Variants in RBM25 observed in about 807,000 individuals in gnomAD.
RBM25 encodes the protein RNA binding motif protein 25, also known as RNA-binding protein 25.
Under a neutral mutation model 120.7 loss-of-function variants are expected in RBM25, and 19 were observed. The observed-to-expected ratio is 0.16, with a 90% CI of 0.11 to 0.23. RBM25 has a LOEUF of 0.23. Ranked by LOEUF, RBM25 falls within the 10% of genes least tolerant of loss-of-function variation. The pLI is 1.00. For missense variants in RBM25, 605 were observed against 1,041.5 expected (o/e 0.58, Z 5.77); for synonymous variants, 390 against 326.7 (o/e 1.19, Z -2.09).
intron 6 of RBM25, among the ~76,000 whole-genome samples, chr14:73,094,135 G>T (rs1465525476): frequency 6.6e-6 from 1 of 150,410 alleles, no homozygotes; most frequent in Non-Finnish European, 1.5e-5. Context: ...TTGTATTTTT[G>T]GTAGAGACGG....
chr14:73,109,643 A>T (rs1682676733), intron 14 of RBM25, 151 bp downstream of exon 14: 1 of 686,558 alleles, frequency 1.5e-6, no homozygotes, highest in Non-Finnish European at 2.2e-6. Flanking sequence ...AATACAAAAG[A>T]TTAGCCGGGT....
chr14:73,111,629 C>T lies in RBM25; in HGVS notation c.2119C>T (p.Pro707Ser). 1.2e-6 allele frequency: 2 copies of T among 1,614,080 alleles called. No individual in the cohort carries two copies. Among genetic ancestry groups the T allele is most frequent in the Non-Finnish European group, 1.7e-6 (2 of 1,180,004 alleles). ...KFEDEDSDDV[P>S]RKRKLVPLDY... Reference sequence around the variant, plus strand: ...TGAGGATGAAGACAGTGATGACGTACCCCGAAAAAGGAAACTGGTTCCCTT... The same window carrying T: ...TGAGGATGAAGACAGTGATGACGTATCCCGAAAAAGGAAACTGGTTCCCTT... Residue 707 changes from proline to serine, a missense_variant, in exon 16 of 19, where the codon CCC becomes TCC. Coordinates refer to ENST00000261973, the MANE Select transcript of RBM25 (RefSeq NM_021239.3).
At chr14:73,088,277 T>C in intron 6 of RBM25, 116 bp downstream of exon 6, 1 of 1,307,516 alleles carries the variant, frequency 7.6e-7, no homozygotes, top group Non-Finnish European at 1.1e-6. Flanking sequence ...TATGTGCTTG[T>C]GGCTTAATGT....
At chr14:73,093,529 G>A (rs1359153497) in intron 6 of RBM25, among the ~76,000 whole-genome samples, 3 of 152,058 alleles carry the variant, frequency 2.0e-5, no homozygotes, top group Admixed American at 6.6e-5. Flanking sequence ...TCTGCCCACC[G>A]AAGTCTCACT....
intron 17 of RBM25, among the ~76,000 whole-genome samples, chr14:73,112,936 C>T (rs961384519): frequency 1.3e-5 from 2 of 151,846 alleles, no homozygotes; most frequent in South Asian, 2.1e-4. Context: ...CCTGAGAAGC[C>T]GGAACTATAG....
At chr14:73,092,456 C>G (rs1895840221) in intron 6 of RBM25, among the ~76,000 whole-genome samples, 1 of 152,008 alleles carries the variant, frequency 6.6e-6, no homozygotes, top group Non-Finnish European at 1.5e-5. Flanking sequence ...AGGCATTTTC[C>G]TCTGAGGCAG....
intron 1 of RBM25, chr14:73,069,746 T>TAAAAAAAAAAAAAAAAAAAAAAAAAAAA (rs57669015): frequency 2.3e-5 from 1 of 44,160 alleles, no homozygotes; most frequent in Non-Finnish European, 3.9e-5. Context: ...CCCTGTTTCT[T>TAAAAAAAAAAAAAAAAAAAAAAAAAAAA]AAAAAAAAAA....
In RBM25 at chr14:73,071,798, G is replaced by A. The variant is rs756359418; in HGVS notation, c.106+51G>A. 4.4e-5 allele frequency: 62 copies of A among 1,412,294 alleles called. No homozygotes were observed. In the East Asian group the frequency reaches 1.2e-3, roughly 27 times the overall value. The allele number at this position is 1,412,294 out of a possible 1,614,324, so 87.5% of individuals were successfully genotyped here. A position where few individuals can be genotyped will look rare whatever the true frequency, so the allele number is the denominator to read the frequency against. Reference sequence around the variant, plus strand: ...TCGTTAAACTTGTACTTTTGTCTTTGTGATACTAACTTCAGGAAAATGTTA... The same window carrying A: ...TCGTTAAACTTGTACTTTTGTCTTTATGATACTAACTTCAGGAAAATGTTA... On this transcript the variant is annotated intron_variant, in intron 2 of 18. Transcript: ENST00000261973.
At chr14:73,115,153 CGTGTGTGTGT>C (rs33924709) in intron 18 of RBM25, among the ~76,000 whole-genome samples, 79 of 146,786 alleles carry the variant, frequency 5.4e-4, no homozygotes, top group East Asian at 1.2e-3. Flanking sequence ...GGAACTGATA[CGTGTGTGTGT>C]GTGTGTGTGT....
At chr14:73,105,720 A>G (rs191820836) in intron 10 of RBM25, 139 bp from the exon 11 acceptor site, 6 of 1,329,672 alleles carry the variant, frequency 4.5e-6, no homozygotes, top group East Asian at 2.4e-5. Context: ...AGGAGGTTAC[A>G]TAGTTTTATG....
intron 1 of RBM25, chr14:73,069,825 C>CT (rs1361392325): frequency 3.1e-5 from 2 of 64,946 alleles, no homozygotes; most frequent in African/African-American, 5.5e-5. Flanking sequence ...AAATTTTTTT[C>CT]TTTCTTTTTT....
Position 73,121,655 on chromosome 14 carries a change from A to G in RBM25, c.*1850A>G, listed in dbSNP as rs1896543443. On this transcript the variant is annotated 3_prime_UTR_variant, in exon 19 of 19. Coordinates refer to ENST00000261973, the MANE Select transcript of RBM25 (RefSeq NM_021239.3). The stretch of plus-strand genomic sequence containing the variant: ...TTTATTGTGTCTGTCTTTTCTTAAC[A>G]TACTGCACTGTTCTTAAGCATCATA... The G allele has an allele frequency of 1.3e-5, 2 of 152,204 alleles. No individual in the cohort carries two copies. Among genetic ancestry groups the G allele is most frequent in the African/African-American group, 2.4e-5 (1 of 41,454 alleles). 9.4% of individuals were successfully genotyped at this position (152,204 alleles called of 1,614,324 possible).
chr14:73,097,299 C>T (rs959483284), intron 7 of RBM25, among the ~76,000 whole-genome samples, 199 bp downstream of exon 7: 22 of 145,850 alleles, frequency 1.5e-4, no homozygotes, highest in Non-Finnish European at 2.5e-4. Flanking sequence ...CTCCGGGGTT[C>T]GAGCGATTCT....
chr14:73,062,456 G>A (rs1895025977), intron 1 of RBM25, among the ~76,000 whole-genome samples: 1 of 151,324 alleles, frequency 6.6e-6, no homozygotes, highest in Non-Finnish European at 1.5e-5. Context: ...TGTACTGATG[G>A]AGCTAGTCTA....
intron 6 of RBM25, among the ~76,000 whole-genome samples, chr14:73,095,277 C>A (rs1424397233): frequency 6.6e-6 from 1 of 152,080 alleles, no homozygotes. Context: ...GGATTTTATT[C>A]CGTCTAAGTG....
intron 10 of RBM25, among the ~76,000 whole-genome samples, chr14:73,104,354 AT>A (rs1896134734): frequency 6.6e-6 from 1 of 151,162 alleles, no homozygotes; most frequent in African/African-American, 2.4e-5. Flanking sequence ...TTTATTTAAA[AT>A]TTTTTAATTA....
At chr14:73,090,441 T>G (rs1014388923) in intron 6 of RBM25, among the ~76,000 whole-genome samples, 2 of 152,206 alleles carry the variant, frequency 1.3e-5, no homozygotes, top group African/African-American at 4.8e-5. Flanking sequence ...TACTACTGCA[T>G]GTACCTCCAC....
chr14:73,093,166 AAC>A (rs1895856064), intron 6 of RBM25, among the ~76,000 whole-genome samples: 1 of 152,234 alleles, frequency 6.6e-6, no homozygotes, highest in South Asian at 2.1e-4. Flanking sequence ...GTGCTGGAAA[AAC>A]AGTTATTCTC....
At chr14:73,062,065 T>C (rs957503686) in intron 1 of RBM25, among the ~76,000 whole-genome samples, 7 of 151,308 alleles carry the variant, frequency 4.6e-5, no homozygotes, top group African/African-American at 1.7e-4. Context: ...ATCAGTAGCG[T>C]GCTGCAGCCC....
Sources: allele counts gnomAD v4.1 joint callset (sites outside exome capture counted in the v4.1 genomes callset), GRCh38; gene constraint gnomAD v4.1.1; transcripts MANE v1.5; gene names NCBI Gene and HGNC (gene_info 2026-07-23, HGNC 2026-07-21).